The following PLCB4 variants were observed in gnomAD, a reference collection of about 807,000 sequenced individuals.
PLCB4 encodes the protein 1-phosphatidylinositol 4,5-bisphosphate phosphodiesterase beta-4.
Under a neutral mutation model 178.8 loss-of-function variants are expected in PLCB4, and 77 were observed. The ratio of observed to expected loss-of-function variants is 0.43; its 90% confidence interval spans 0.36 to 0.52. The LOEUF is 0.52. Ranked by LOEUF, PLCB4 falls within the 20% of genes least tolerant of loss-of-function variation. PLCB4 has a pLI of 0.00. For synonymous variants in PLCB4, 496 were observed against 490.8 expected (o/e 1.01, Z -0.14); for missense variants, 1,024 against 1,453.4 (o/e 0.70, Z 4.80).
intron 12 of PLCB4, among the ~76,000 whole-genome samples, chr20:9,379,387 A>G (rs974737507): frequency 3.3e-5 from 5 of 152,184 alleles, no homozygotes; most frequent in African/African-American, 1.2e-4. Flanking sequence ...AAGTCCCGTA[A>G]TCATTCATGG....
chr20:9,311,981 A>G (rs1160374762), intron 4 of PLCB4, among the ~76,000 whole-genome samples: 1 of 152,190 alleles, frequency 6.6e-6, no homozygotes, highest in Admixed American at 6.5e-5. Context: ...TCAAATTCAT[A>G]TAGGTACATG....
At chr20:9,134,638 A>C (rs2092345313) in intron 2 of PLCB4, among the ~76,000 whole-genome samples, 1 of 152,098 alleles carries the variant, frequency 6.6e-6, no homozygotes, top group South Asian at 2.1e-4. Flanking sequence ...CAATACCCAC[A>C]GTTCTGTTTG....
intron 3 of PLCB4, among the ~76,000 whole-genome samples, chr20:9,283,288 T>C (rs16995723): frequency 0.25 from 37,627 of 151,890 alleles, 4,973 homozygotes; most frequent in East Asian, 0.37. Flanking sequence ...CCTCTATGTA[T>C]TACATTTGTC....
intron 25 of PLCB4, among the ~76,000 whole-genome samples, chr20:9,417,992 G>C (rs2040370700): frequency 1.3e-5 from 2 of 151,858 alleles, no homozygotes; most frequent in African/African-American, 4.8e-5. Context: ...TTGGTTTTTT[G>C]TATATCTTAT....
At chr20:9,362,998 G>A (rs1293732009) in intron 8 of PLCB4, 23 bp downstream of exon 8, 6 of 1,523,008 alleles carry the variant, frequency 3.9e-6, no homozygotes, top group Middle Eastern at 1.7e-4. Context: ...TGCATTACTC[G>A]TTTTTCTTGG....
intron 4 of PLCB4, among the ~76,000 whole-genome samples, chr20:9,308,694 G>A (rs1280276071): frequency 1.3e-5 from 2 of 152,170 alleles, no homozygotes; most frequent in Non-Finnish European, 2.9e-5. Context: ...ATTGTCAGAT[G>A]CAGAAACTAG....
intron 3 of PLCB4, among the ~76,000 whole-genome samples, chr20:9,247,267 T>C (rs1569014112): frequency 6.6e-6 from 1 of 152,202 alleles, no homozygotes; most frequent in Non-Finnish European, 1.5e-5. Context: ...CTGAATTCTG[T>C]AGACCGCAGG....
rs183782355 is a variant in PLCB4 at position 9,126,622 on chromosome 20, A to C, written c.-79+30280A>C. Among the ~76,000 whole-genome samples, 26 of 152,328 alleles carry C rather than the reference A, an allele frequency of 1.7e-4. No homozygotes were observed. The East Asian group carries it at 4.8e-3, about 28-fold the overall frequency. ...AGAGGGCTAATGCACTTATAATATA[A>C]TTGCATCATTGCACAAGCTAACAAA... On this transcript the variant is annotated intron_variant, in intron 2 of 39. Coordinates refer to ENST00000378473, the MANE Select transcript of PLCB4 (RefSeq NM_001377142.1).
intron 2 of PLCB4, among the ~76,000 whole-genome samples, chr20:9,111,097 C>A (rs750833298): frequency 9.2e-5 from 14 of 151,812 alleles, no homozygotes; most frequent in Non-Finnish European, 1.8e-4. Flanking sequence ...TGGGAAAATG[C>A]CAGATTGAAC....
At chr20:9,399,974 A>G (rs1417577356) in intron 19 of PLCB4, among the ~76,000 whole-genome samples, 1 of 152,214 alleles carries the variant, frequency 6.6e-6, no homozygotes. Flanking sequence ...AAGTCAAATC[A>G]TATCTCTGCA....
Position 9,414,632 on chromosome 20 carries a change from G to A in PLCB4, c.2051+3544G>A, listed in dbSNP as rs1177853727. Among the ~76,000 whole-genome samples the A allele has an allele frequency of 3.3e-5, 5 of 152,138 alleles. No individual in the cohort carries two copies. In the South Asian group the frequency reaches 8.3e-4, roughly 25 times the overall value. The stretch of plus-strand genomic sequence containing the variant: ...CAGGATCTAGCAACTGTAGCAAAAC[G>A]TCAGATACCCTCCTGGGAAAACCCT... On this transcript the variant is annotated intron_variant, in intron 25 of 39. Transcript: ENST00000378473.
At chr20:9,251,102 C>A (rs904694111) in intron 3 of PLCB4, among the ~76,000 whole-genome samples, 1 of 152,170 alleles carries the variant, frequency 6.6e-6, no homozygotes, top group Non-Finnish European at 1.5e-5. Flanking sequence ...GGTCCTGGAT[C>A]CCCAGTTGCT....
At chr20:9,117,909 TCTTA>T (rs1354258616) in intron 2 of PLCB4, among the ~76,000 whole-genome samples, 1 of 152,194 alleles carries the variant, frequency 6.6e-6, no homozygotes, top group Non-Finnish European at 1.5e-5. Flanking sequence ...CATTCTTTTC[TCTTA>T]CTTTATTTTC....
chr20:9,132,622 A>C (rs1190613815), intron 2 of PLCB4, among the ~76,000 whole-genome samples: 2 of 152,220 alleles, frequency 1.3e-5, no homozygotes, highest in African/African-American at 2.4e-5. Flanking sequence ...GACACTCTTG[A>C]TATCCTTATA....
At chr20:9,196,292 G>T (rs1161320144) in intron 2 of PLCB4, among the ~76,000 whole-genome samples, 2 of 152,152 alleles carry the variant, frequency 1.3e-5, no homozygotes, top group Non-Finnish European at 2.9e-5. Context: ...CCTGACAATG[G>T]AATAGGAGGG....
At chr20:9,187,710 T>C (rs1382610380) in intron 2 of PLCB4, among the ~76,000 whole-genome samples, 1 of 152,226 alleles carries the variant, frequency 6.6e-6, no homozygotes, top group Non-Finnish European at 1.5e-5. Context: ...ATTATAGTTG[T>C]ATTTTTCCAC....
chr20:9,091,521 G>C (rs2090677378), intron 1 of PLCB4, among the ~76,000 whole-genome samples: 1 of 151,796 alleles, frequency 6.6e-6, no homozygotes, highest in Non-Finnish European at 1.5e-5. Flanking sequence ...GACTTTCCTA[G>C]GTTCTGACCT....
At position 9,479,180 on chromosome 20, in the gene PLCB4, T is replaced by G. The variant is rs543111231; in HGVS notation, c.*171T>G. Reference sequence around the variant, plus strand: ...CTATTTAACAGCTTGAGTATTGCATTTCCTTGGCCAAACAAAAATAGCTAC... The same window carrying G: ...CTATTTAACAGCTTGAGTATTGCATGTCCTTGGCCAAACAAAAATAGCTAC... On this transcript the variant is annotated 3_prime_UTR_variant, in exon 40 of 40. Coordinates refer to ENST00000378473, the MANE Select transcript of PLCB4 (RefSeq NM_001377142.1). 1.7e-6 allele frequency: 1 copy of G among 591,348 alleles called. No individual in the cohort carries two copies. The highest frequency in any genetic ancestry group is 3.0e-6 in the Non-Finnish European group (1 of 331,108). 36.6% of individuals were successfully genotyped at this position (591,348 alleles called of 1,614,324 possible).
intron 3 of PLCB4, among the ~76,000 whole-genome samples, chr20:9,229,318 C>T (rs189290040): frequency 2.6e-5 from 4 of 152,248 alleles, no homozygotes; most frequent in Admixed American, 2.6e-4. Context: ...TGGATGTGTG[C>T]TTTCAGATCT....
Sources: allele counts gnomAD v4.1 joint callset (sites outside exome capture counted in the v4.1 genomes callset), GRCh38; gene constraint gnomAD v4.1.1; transcripts MANE v1.5; gene names NCBI Gene and HGNC (gene_info 2026-07-23, HGNC 2026-07-21).